The following PCDH15 variants were observed in gnomAD, a reference collection of about 807,000 sequenced individuals.
PCDH15 encodes protocadherin-15.
A neutral mutation model predicts 178.5 loss-of-function variants in PCDH15; 129 were observed. That is an observed-to-expected ratio of 0.72 (90% CI 0.63 to 0.84). The LOEUF (loss-of-function observed/expected upper bound fraction) is 0.84, where lower values mean the gene tolerates loss of function less well. Ranked by LOEUF, PCDH15 falls within the 40% of genes least tolerant of loss-of-function variation. The pLI, the probability that PCDH15 is intolerant of heterozygous loss-of-function variation, is 0.00. For synonymous variants in PCDH15, 800 were observed against 732.0 expected, an observed-to-expected ratio of 1.09 and a Z score of -1.50; for missense variants, 2,230 against 2,099.9, an observed-to-expected ratio of 1.06 and a Z score of -1.21.
chr10:54,326,526 A>C (rs1357985751), intron 7 of PCDH15, among the ~76,000 whole-genome samples: 1 of 152,164 alleles, frequency 6.6e-6, no homozygotes, highest in Non-Finnish European at 1.5e-5. Flanking sequence ...CATTAGTCTA[A>C]GTACTTTTTT....
chr10:54,422,295 C>G (rs956324987), intron 3 of PCDH15, among the ~76,000 whole-genome samples: 12 of 151,976 alleles, frequency 7.9e-5, no homozygotes, highest in Non-Finnish European at 1.8e-4. Flanking sequence ...GTTACCTCCT[C>G]TATGCTTCAA....
At chr10:55,021,983 T>C (rs1183824678) in intron 2 of PCDH15, among the ~76,000 whole-genome samples, 1 of 151,874 alleles carries the variant, frequency 6.6e-6, no homozygotes, top group Non-Finnish European at 1.5e-5. Flanking sequence ...TCTAAAAAAG[T>C]TGGTCTCATA....
At chr10:55,238,119 T>C (rs1308204097) in intron 1 of PCDH15, among the ~76,000 whole-genome samples, 1 of 151,594 alleles carries the variant, frequency 6.6e-6, no homozygotes, top group Non-Finnish European at 1.5e-5. Flanking sequence ...TTAGTTTATC[T>C]ATAAGACTTC....
chr10:54,855,398 T>C (rs1335517838), intron 3 of PCDH15, among the ~76,000 whole-genome samples: 1 of 152,070 alleles, frequency 6.6e-6, no homozygotes, highest in Non-Finnish European at 1.5e-5. Context: ...CCTGGGGAGC[T>C]CCCATCCCAA....
At chr10:54,356,623 A>T (rs940009862) in intron 5 of PCDH15, among the ~76,000 whole-genome samples, 1 of 151,858 alleles carries the variant, frequency 6.6e-6, no homozygotes, top group East Asian at 1.9e-4. Flanking sequence ...ACTATTTATC[A>T]ATTAGTAAGA....
intron 2 of PCDH15, among the ~76,000 whole-genome samples, chr10:55,007,797 G>A (rs770733981): frequency 2.6e-5 from 4 of 152,120 alleles, no homozygotes; most frequent in East Asian, 1.9e-4. Flanking sequence ...GACAGTCAAC[G>A]CTTCTTTCTT....
intron 2 of PCDH15, among the ~76,000 whole-genome samples, chr10:54,591,530 C>G (rs2091889151): frequency 6.6e-6 from 1 of 152,112 alleles, no homozygotes; most frequent in South Asian, 2.1e-4. Flanking sequence ...ATCGTCAGAC[C>G]TGTGTCAAGC....
intron 2 of PCDH15, among the ~76,000 whole-genome samples, chr10:54,552,536 C>G (rs1045773745): frequency 6.6e-6 from 1 of 152,158 alleles, no homozygotes; most frequent in Non-Finnish European, 1.5e-5. Flanking sequence ...AGTTTGAAAC[C>G]TAGCTCATGG....
chr10:53,828,216 A>T (rs2076817964), intron 31 of PCDH15, among the ~76,000 whole-genome samples: 1 of 58,854 alleles, frequency 1.7e-5, no homozygotes, highest in Admixed American at 1.9e-4. Flanking sequence ...TCAAAAAAAA[A>T]AAAAAAAAAA....
intron 5 of PCDH15, among the ~76,000 whole-genome samples, chr10:54,348,257 T>C (rs1943631453): frequency 6.6e-6 from 1 of 152,160 alleles, no homozygotes; most frequent in Non-Finnish European, 1.5e-5. Context: ...AATATAATTA[T>C]GACTTAAAAA....
intron 11 of PCDH15, 62 bp from the exon 12 acceptor site, chr10:54,185,330 C>T (rs1035672616): frequency 8.9e-6 from 14 of 1,576,650 alleles, no homozygotes; most frequent in Non-Finnish European, 1.1e-5. Flanking sequence ...TAGTTCATTA[C>T]CTAGAAGTTA....
At chr10:53,954,640 T>C (rs1353436966) in intron 23 of PCDH15, among the ~76,000 whole-genome samples, 2 of 152,332 alleles carry the variant, frequency 1.3e-5, no homozygotes, top group African/African-American at 4.8e-5. Flanking sequence ...GAGAAAGTAA[T>C]TCATTGTATA....
chr10:55,273,994 G>A (rs983960379), intron 1 of PCDH15, among the ~76,000 whole-genome samples: 29 of 152,070 alleles, frequency 1.9e-4, no homozygotes, highest in African/African-American at 7.0e-4. Flanking sequence ...ATGTACACAT[G>A]TATGTATGTA....
chr10:53,970,182 CA>C lies in PCDH15; in HGVS notation c.2869-8291del, dbSNP rs1007179671. Among the ~76,000 whole-genome samples, 1,146 of 144,768 alleles carry C rather than the reference CA, an allele frequency of 7.9e-3. 16 individuals carry two copies. Among genetic ancestry groups the C allele is most frequent in the African/African-American group, 0.025 (986 of 39,594 alleles). 95.0% of individuals were successfully genotyped at this position (144,768 alleles called of 152,430 possible). On this transcript the variant is annotated intron_variant, in intron 21 of 37. Transcript: ENST00000644397. ...GAAGATCTACCAAGCAAATGGAAAG[CA>C]AAAAAAAAATAGCAGGGGTTGCAAT...
chr10:54,140,910 C>G (rs940626079), intron 14 of PCDH15, among the ~76,000 whole-genome samples: 2 of 152,084 alleles, frequency 1.3e-5, no homozygotes, highest in African/African-American at 2.4e-5. Context: ...TCTCAATCTC[C>G]TGAACTCGTG....
intron 23 of PCDH15, among the ~76,000 whole-genome samples, chr10:53,950,081 C>G (rs1006276425): frequency 6.6e-6 from 1 of 151,940 alleles, no homozygotes; most frequent in Non-Finnish European, 1.5e-5. Flanking sequence ...TTTATTTTAA[C>G]AGAGAAAGTG....
intron 2 of PCDH15, among the ~76,000 whole-genome samples, chr10:55,018,280 A>T (rs1348523188): frequency 6.6e-6 from 1 of 152,060 alleles, no homozygotes; most frequent in Non-Finnish European, 1.5e-5. Flanking sequence ...AAGAGCGGGG[A>T]TTGATTCTAG....
At chr10:54,026,543 C>T (rs1440998204) in intron 18 of PCDH15, among the ~76,000 whole-genome samples, 1 of 152,138 alleles carries the variant, frequency 6.6e-6, no homozygotes, top group African/African-American at 2.4e-5. Context: ...TCTATGACAA[C>T]TTAATTCACT....
At chr10:54,285,861 TAC>T (rs2058996485) in intron 8 of PCDH15, among the ~76,000 whole-genome samples, 1 of 152,168 alleles carries the variant, frequency 6.6e-6, no homozygotes, top group Non-Finnish European at 1.5e-5. Flanking sequence ...GTGGTATATA[TAC>T]ACAATGGAAT....
Sources: gnomAD v4.1 joint callset for allele counts (sites outside exome capture counted in the v4.1 genomes callset) on GRCh38, gnomAD v4.1.1 for gene constraint, MANE v1.5 for transcripts, NCBI Gene and HGNC (gene_info 2026-07-23, HGNC 2026-07-21) for gene names.